The following CD300LG variants were observed in gnomAD, a reference collection of about 807,000 sequenced individuals.
CD300LG encodes CMRF35-like molecule 9.
A neutral mutation model predicts 31.5 loss-of-function variants in CD300LG; 29 were observed. That is an observed-to-expected ratio of 0.92 (90% confidence interval 0.68 to 1.25). CD300LG has a LOEUF of 1.25. CD300LG is among the 50% of genes most tolerant of loss of function. The probability of loss-of-function intolerance (pLI) is 0.00; values close to 1 mark genes in which losing one functional copy is unlikely to be tolerated. For synonymous variants in CD300LG, 175 were observed against 177.2 expected (o/e 0.99, Z 0.10); for missense variants, 396 against 417.6 (o/e 0.95, Z 0.45).
At chr17:43,853,107 G>A (rs2046408841) in intron 3 of CD300LG, 94 bp downstream of exon 3, 5 of 1,057,518 alleles carry the variant, frequency 4.7e-6, no homozygotes, top group Non-Finnish European at 5.6e-6. Context: ...ATAGTTTATG[G>A]CCACCTAGGT....
At chr17:43,851,891 T>C (rs1170351074) in intron 2 of CD300LG, among the ~76,000 whole-genome samples, 1 of 151,958 alleles carries the variant, frequency 6.6e-6, no homozygotes, top group Non-Finnish European at 1.5e-5. Context: ...GCAGTGTAAG[T>C]GAGCATTAGC....
At position 43,863,059 on chromosome 17, in the gene CD300LG, G is replaced by A. The variant is rs945835737; in HGVS notation, c.*1148G>A. 4 of 152,068 alleles carry A rather than the reference G, an allele frequency of 2.6e-5. No homozygotes were observed. Among genetic ancestry groups the A allele is most frequent in the African/African-American group, 7.2e-5 (3 of 41,394 alleles). 9.4% of individuals were successfully genotyped at this position (152,068 alleles called of 1,614,324 possible). A position where few individuals can be genotyped will look rare whatever the true frequency, so the allele number is the denominator to read the frequency against. On this transcript the variant is annotated 3_prime_UTR_variant, in exon 7 of 7. Coordinates refer to ENST00000317310, the MANE Select transcript of CD300LG (RefSeq NM_145273.4). ...TTATTGTTTTTTAAGACAGAATCTC[G>A]TGCTGCTGCCCAGGCTGGAGTGCAG...
At chr17:43,848,243 A>AAAAC (rs71361549) in intron 1 of CD300LG, among the ~76,000 whole-genome samples, 4,843 of 151,996 alleles carry the variant, frequency 0.032, 183 homozygotes, top group African/African-American at 0.1. Context: ...CTCCATCTCA[A>AAAAC]AAACAAACAA....
rs570468238 is a variant in CD300LG at position 43,855,436 on chromosome 17, G to A, written c.832+117G>A. 918 of 565,780 alleles carry A rather than the reference G, an allele frequency of 1.6e-3. 3 individuals carry two copies. The highest frequency in any genetic ancestry group is 2.4e-3 in the Non-Finnish European group (820 of 336,682). 35.0% of individuals were successfully genotyped at this position (565,780 alleles called of 1,614,324 possible). On this transcript the variant is annotated intron_variant, in intron 5 of 6. Transcript: ENST00000317310. ...CCTGTGGGTCTCAGCGTGTCTGTCTGAGATATGAGCATCAGGAGCTGTGGC... is the reference window on the plus strand; with the variant it reads ...CCTGTGGGTCTCAGCGTGTCTGTCTAAGATATGAGCATCAGGAGCTGTGGC...
chr17:43,849,012 G>T (rs780975961), intron 2 of CD300LG, 119 bp downstream of exon 2: 36 of 889,108 alleles, frequency 4.0e-5, no homozygotes, highest in Non-Finnish European at 5.8e-5. Flanking sequence ...GGGAGATCAT[G>T]CAGGTCAAGC....
At chr17:43,856,077 G>A (rs890854503) in intron 5 of CD300LG, among the ~76,000 whole-genome samples, 2 of 152,084 alleles carry the variant, frequency 1.3e-5, no homozygotes, top group African/African-American at 4.8e-5. Flanking sequence ...GAGTAACTAG[G>A]ACTACAGGCA....
intron 5 of CD300LG, 92 bp downstream of exon 5, chr17:43,855,411 C>T (rs2046490123): frequency 1.4e-6 from 1 of 690,998 alleles, no homozygotes; most frequent in Non-Finnish European, 2.2e-6. Context: ...CTGGAAAGAC[C>T]CTGTGGGTCT....
In CD300LG at chr17:43,848,768, G is replaced by A. The variant is rs148841815; in HGVS notation, c.254G>A (p.Arg85His). ...GGCAGGGTGTCCATCCGTGACAGCC[G>A]CCAGGAGCTCTCGCTCATTGTGACC... Reference protein sequence around the residue: ...MKGRVSIRDSRQELSLIVTLW... With the variant: ...MKGRVSIRDSHQELSLIVTLW... Residue 85 changes from arginine (R) to histidine (H), a missense_variant, in exon 2 of 7, where the codon CGC becomes CAC. Physicochemically the swap from Arg to His is conservative, Grantham distance 29. Transcript: ENST00000317310. The A allele has an allele frequency of 1.5e-4, 237 of 1,614,122 alleles. 1 individual carries two copies. The African/African-American group carries it at 1.6e-3, about 11-fold the overall frequency.
intron 6 of CD300LG, chr17:43,858,069 C>T: frequency 7.0e-7 from 1 of 1,421,122 alleles, no homozygotes. Context: ...TACTGAGATG[C>T]CTCCACTCCA....
chr17:43,858,862 T>C (rs578047994), intron 6 of CD300LG, among the ~76,000 whole-genome samples: 1 of 152,338 alleles, frequency 6.6e-6, no homozygotes, highest in South Asian at 2.1e-4. Flanking sequence ...CAGCATTTTC[T>C]TTCCCTAAGA....
rs1597731064 is a variant in CD300LG at position 43,862,739 on chromosome 17, A to T, written c.*828A>T. On this transcript the variant is annotated 3_prime_UTR_variant, in exon 7 of 7. Coordinates refer to ENST00000317310, the MANE Select transcript of CD300LG (RefSeq NM_145273.4). ...AGGTGCACATTGCAGGGATAAGCCC[A>T]GGACCGGCAGAGAGTGGTTGCCTTT... is the stretch of plus-strand genomic sequence containing the variant. 1 of 152,230 alleles carries T rather than the reference A, an allele frequency of 6.6e-6. No individual in the cohort carries two copies. The highest frequency in any genetic ancestry group is 1.5e-5 in the Non-Finnish European group (1 of 68,056). 9.4% of individuals were successfully genotyped at this position (152,230 alleles called of 1,614,324 possible).
At position 43,862,097 on chromosome 17, in the gene CD300LG, A is replaced by G. The variant is rs146554129; in HGVS notation, c.*186A>G. The G allele has an allele frequency of 1.7e-5, 8 of 474,866 alleles. No homozygotes were observed. The East Asian group carries it at 2.2e-4, about 13-fold the overall frequency. The allele number at this position is 474,866 out of a possible 1,614,324, so 29.4% of individuals were successfully genotyped here. ...ACCTAGAAGCGTTTGTCAGCCCTGG[A>G]GCCCAGAGCGGTGGCCTTGCTCTTC... On this transcript the variant is annotated 3_prime_UTR_variant, in exon 7 of 7. Coordinates refer to ENST00000317310, the MANE Select transcript of CD300LG (RefSeq NM_145273.4).
rs1400061735 is a variant in CD300LG, at chr17:43,853,004, C to T, written c.472C>T (p.Pro158Ser). 1 of 1,610,986 alleles carries T rather than the reference C, an allele frequency of 6.2e-7. No homozygotes were observed. Among genetic ancestry groups the T allele is most frequent in the Admixed American group, 1.7e-5 (1 of 59,598 alleles). ...GGCAAAAGCTCAGCAAACCCAGCCC[C>T]CAGGATTGAGTGAGTGAATGGCAAT... The part of the protein sequence containing the change: ...PKAKAQQTQP[P>S]GLTSPGLYPA... The change falls in exon 3 of 7, where the codon CCA becomes TCA. Residue 158 changes from proline (P) to serine (S), a missense_variant. Coordinates refer to ENST00000317310, the MANE Select transcript of CD300LG (RefSeq NM_145273.4).
intron 6 of CD300LG, among the ~76,000 whole-genome samples, chr17:43,858,944 G>A (rs954017683): frequency 2.6e-5 from 4 of 152,172 alleles, no homozygotes; most frequent in African/African-American, 9.7e-5. Flanking sequence ...CTACGTGTCA[G>A]GGGCTTTATA....
rs1252188080 is a variant in CD300LG, at chr17:43,853,866, G to A, written c.541G>A (p.Ala181Thr). The A allele has an allele frequency of 1.2e-6, 2 of 1,614,124 alleles. No homozygotes were observed. Among genetic ancestry groups the A allele is most frequent in the East Asian group, 2.2e-5 (1 of 44,876 alleles). Residue 181 changes from alanine to threonine, a missense_variant, in exon 4 of 7, where the codon GCC becomes ACC. Coordinates refer to ENST00000317310, the MANE Select transcript of CD300LG (RefSeq NM_145273.4). ...TAKQGKTGAE[A>T]PPLPGTSQYG... ...CAAGCAGGGGAAGACAGGGGCTGAG[G>A]CCCCTCCATTGCCAGGGACTTCCCA... is the stretch of plus-strand genomic sequence containing the variant.
chr17:43,848,951 G>A, intron 2 of CD300LG, 58 bp downstream of exon 2: 6 of 1,442,630 alleles, frequency 4.2e-6, no homozygotes, highest in Non-Finnish European at 5.8e-6. Context: ...GGAAGAGGGA[G>A]GGGTGGTGGG....
chr17:43,857,092 C>T lies in CD300LG; in HGVS notation c.833-12C>T. ...TGGCTTCAAGGGGCTCCTCCTTCTA[C>T]ATCTCTTTCAGCTCAACAGGCCACG... is the stretch of plus-strand genomic sequence containing the variant. On this transcript the variant is annotated splice_polypyrimidine_tract_variant and intron_variant, in intron 5 of 6. Coordinates refer to ENST00000317310, the MANE Select transcript of CD300LG (RefSeq NM_145273.4). 6.2e-7 allele frequency: 1 copy of T among 1,613,990 alleles called. No individual in the cohort carries two copies. Among genetic ancestry groups the T allele is most frequent in the Non-Finnish European group, 8.5e-7 (1 of 1,179,932 alleles).
chr17:43,862,061 G>A lies in CD300LG; in HGVS notation c.*150G>A, dbSNP rs1000497665. On this transcript the variant is annotated 3_prime_UTR_variant, in exon 7 of 7. Transcript: ENST00000317310. The stretch of plus-strand genomic sequence containing the variant: ...CCCTCCCCAGGCTCTCCTCTTGCAT[G>A]TTCCAGCCTGACCTAGAAGCGTTTG... 1.8e-6 allele frequency: 1 copy of A among 544,214 alleles called. No homozygotes were observed. The highest frequency in any genetic ancestry group is 3.2e-6 in the Non-Finnish European group (1 of 313,364). The allele number at this position is 544,214 out of a possible 1,614,324, so 33.7% of individuals were successfully genotyped here. A position where few individuals can be genotyped will look rare whatever the true frequency, so the allele number is the denominator to read the frequency against.
chr17:43,854,353 A>G (rs1007781330), intron 4 of CD300LG, among the ~76,000 whole-genome samples: 3 of 152,178 alleles, frequency 2.0e-5, no homozygotes, highest in Non-Finnish European at 4.4e-5. Flanking sequence ...ACTTTGCACT[A>G]AGCCCTGTGC....
Sources: allele counts gnomAD v4.1 joint callset (sites outside exome capture counted in the v4.1 genomes callset), GRCh38; gene constraint gnomAD v4.1.1; transcripts MANE v1.5; gene names NCBI Gene and HGNC (gene_info 2026-07-23, HGNC 2026-07-21).